Variants in CDK5RAP2 observed in about 807,000 individuals in gnomAD.
CDK5RAP2 encodes the protein CDK5 regulatory subunit-associated protein 2.
CDK5RAP2 carries 147 observed loss-of-function variants against 232.9 expected under a neutral mutation model. That is an observed-to-expected ratio of 0.63 (90% CI 0.55 to 0.72). CDK5RAP2 has a LOEUF of 0.72. CDK5RAP2 is among the 30% of genes least tolerant of loss of function. The pLI is 0.00. For synonymous variants in CDK5RAP2, 833 were observed against 833.7 expected (o/e 1.00, Z 0.01); for missense variants, 2,195 against 2,231.5 (o/e 0.98, Z 0.33).
In CDK5RAP2 at chr9:120,422,744, G is replaced by C. The variant is rs1302429352; in HGVS notation, c.3956-3C>G. On this transcript the variant is annotated splice_polypyrimidine_tract_variant and splice_region_variant and intron_variant, in intron 25 of 37. Transcript: ENST00000349780. ...CATTTCCACTCCAACTGATTTTCCTGGAAGCAGAAATAACATCAAGAAAGG... is the reference window on the plus strand; with the variant it reads ...CATTTCCACTCCAACTGATTTTCCTCGAAGCAGAAATAACATCAAGAAAGG... 1 of 1,610,842 alleles carries C rather than the reference G, an allele frequency of 6.2e-7. No homozygotes were observed. Among genetic ancestry groups the C allele is most frequent in the Non-Finnish European group, 8.5e-7 (1 of 1,177,256 alleles).
chr9:120,523,695 G>A (rs752317977), intron 11 of CDK5RAP2, among the ~76,000 whole-genome samples: 13 of 152,200 alleles, frequency 8.5e-5, no homozygotes, highest in Non-Finnish European at 1.5e-4. Context: ...AGCAACATCA[G>A]TGCAAGAGGT....
At chr9:120,411,520 C>T (rs1401197291) in intron 28 of CDK5RAP2, 46 bp from the exon 29 acceptor site, 1 of 1,004,514 alleles carries the variant, frequency 1.0e-6, no homozygotes, top group Admixed American at 1.7e-5. Flanking sequence ...GTCTCCAGAT[C>T]AGTATAGACA....
At chr9:120,564,179 A>T (rs1237981948) in intron 3 of CDK5RAP2, among the ~76,000 whole-genome samples, 1 of 152,160 alleles carries the variant, frequency 6.6e-6, no homozygotes, top group Non-Finnish European at 1.5e-5. Flanking sequence ...AAAAAAAAGA[A>T]ACACTCGGCG....
In CDK5RAP2 at chr9:120,528,837, A is replaced by G. The variant is rs777411502; in HGVS notation, c.826-40T>C. 7 of 1,389,030 alleles carry G rather than the reference A, an allele frequency of 5.0e-6. No homozygotes were observed. In the South Asian group the frequency reaches 6.9e-5, roughly 14 times the overall value. 86.0% of individuals were successfully genotyped at this position (1,389,030 alleles called of 1,614,324 possible). The stretch of plus-strand genomic sequence containing the variant: ...TAATTGGTGTGAAGAAGGGACGTGC[A>G]ATCCAACAGCTTCTCCAGAACAATT... On this transcript the variant is annotated intron_variant, in intron 8 of 37. Coordinates refer to ENST00000349780, the MANE Select transcript of CDK5RAP2 (RefSeq NM_018249.6).
In CDK5RAP2 at chr9:120,402,829, T is replaced by A; in HGVS notation, c.5284A>T (p.Thr1762Ser). 6.2e-7 allele frequency: 1 copy of A among 1,614,120 alleles called. No individual in the cohort carries two copies. Among genetic ancestry groups the A allele is most frequent in the Non-Finnish European group, 8.5e-7 (1 of 1,180,022 alleles). The change falls in exon 34 of 38, where the codon ACA becomes TCA. Residue 1762 changes from threonine to serine, a missense_variant. Physicochemically the swap from Thr to Ser is moderately conservative, Grantham distance 58. Coordinates refer to ENST00000349780, the MANE Select transcript of CDK5RAP2 (RefSeq NM_018249.6). Reference sequence around the variant, plus strand: ...ACCTTTGTTCCCAGCTCTTGACTTGTGGAGCTGGGAGCCTCTTGGGTTTGA... The same window carrying A: ...ACCTTTGTTCCCAGCTCTTGACTTGAGGAGCTGGGAGCCTCTTGGGTTTGA... ...DIQTQEAPSSTSQELGTKGPH... is the reference protein window; with the variant it reads ...DIQTQEAPSSSSQELGTKGPH...
chr9:120,506,591 A>G (rs1426981158), intron 12 of CDK5RAP2, among the ~76,000 whole-genome samples: 1 of 152,210 alleles, frequency 6.6e-6, no homozygotes, highest in East Asian at 1.9e-4. Flanking sequence ...TTTGTGATTC[A>G]TGAGAAGGGT....
intron 35 of CDK5RAP2, among the ~76,000 whole-genome samples, chr9:120,395,288 T>C (rs2032361669): frequency 6.6e-6 from 1 of 152,250 alleles, no homozygotes; most frequent in Non-Finnish European, 1.5e-5. Flanking sequence ...ATTCTCTCCA[T>C]GAGCTATGAT....
intron 15 of CDK5RAP2, 47 bp from the exon 16 acceptor site, chr9:120,471,925 C>T (rs2037731320): frequency 1.2e-6 from 2 of 1,612,328 alleles, no homozygotes; most frequent in Non-Finnish European, 1.7e-6. Context: ...CCTATTTGTA[C>T]TTTTAGATGC....
chr9:120,461,049 A>G (rs1189391609), intron 18 of CDK5RAP2, among the ~76,000 whole-genome samples: 1 of 152,258 alleles, frequency 6.6e-6, no homozygotes, highest in Non-Finnish European at 1.5e-5. Context: ...AGATTTTGGA[A>G]AATAGCTATT....
chr9:120,392,936 C>A (rs1208281598), intron 36 of CDK5RAP2, among the ~76,000 whole-genome samples: 3 of 152,328 alleles, frequency 2.0e-5, no homozygotes, highest in East Asian at 1.9e-4. Flanking sequence ...TGGACCCCGC[C>A]GGTCCCTGCT....
chr9:120,539,351 T>C (rs1366394925), intron 5 of CDK5RAP2, among the ~76,000 whole-genome samples, 187 bp from the exon 6 acceptor site: 1 of 152,242 alleles, frequency 6.6e-6, no homozygotes, highest in African/African-American at 2.4e-5. Context: ...TCATCCATAA[T>C]CTTGTCACTC....
Position 120,527,751 on chromosome 9 carries a change from G to C in CDK5RAP2, c.999+55C>G, listed in dbSNP as rs981782356. 2.5e-6 allele frequency: 4 copies of C among 1,600,334 alleles called. No homozygotes were observed. The African/African-American group carries it at 5.4e-5, about 21-fold the overall frequency. On this transcript the variant is annotated intron_variant, in intron 10 of 37. Transcript: ENST00000349780. ...GAAGCTAAAAATTCAGGGTAGGACA[G>C]GCCAGTCATAGAAGCTAATAAAGAA...
At chr9:120,516,479 C>T (rs937167863) in intron 12 of CDK5RAP2, among the ~76,000 whole-genome samples, 2 of 151,798 alleles carry the variant, frequency 1.3e-5, no homozygotes, top group African/African-American at 2.4e-5. Flanking sequence ...AACAAACCTG[C>T]ACATTGTGCA....
chr9:120,417,126 C>T (rs905573357), intron 27 of CDK5RAP2, among the ~76,000 whole-genome samples: 10 of 151,056 alleles, frequency 6.6e-5, no homozygotes, highest in Non-Finnish European at 1.5e-4. Context: ...TGCACCTCCC[C>T]GCTCCTTAAA....
At chr9:120,488,529 A>G (rs1452675812) in intron 13 of CDK5RAP2, among the ~76,000 whole-genome samples, 1 of 151,608 alleles carries the variant, frequency 6.6e-6, no homozygotes, top group Admixed American at 6.6e-5. Flanking sequence ...ACAACTTGCA[A>G]CTCTTTAGCT....
At chr9:120,573,210 A>C (rs1252456913) in intron 1 of CDK5RAP2, among the ~76,000 whole-genome samples, 1 of 152,220 alleles carries the variant, frequency 6.6e-6, no homozygotes, top group East Asian at 1.9e-4. Flanking sequence ...CAGGCAAAAA[A>C]TTGGAAATAT....
chr9:120,563,612 G>A (rs2042539654), intron 3 of CDK5RAP2, among the ~76,000 whole-genome samples: 1 of 152,152 alleles, frequency 6.6e-6, no homozygotes, highest in African/African-American at 2.4e-5. Context: ...TTACACATGA[G>A]GTTTTAGAAG....
At position 120,527,815 on chromosome 9, in the gene CDK5RAP2, C is replaced by G; in HGVS notation, c.990G>C (p.Lys330Asn). 1 of 1,612,632 alleles carries G rather than the reference C, an allele frequency of 6.2e-7. No homozygotes were observed. The highest frequency in any genetic ancestry group is 1.1e-5 in the South Asian group (1 of 90,976). Reference sequence around the variant, plus strand: ...AGTGTATCAGACATACCTTTTTTTCCTTTGATTTTAATGCCATGGTTAAAC... The same window carrying G: ...AGTGTATCAGACATACCTTTTTTTCGTTTGATTTTAATGCCATGGTTAAAC... The part of the protein sequence containing the change: ...IQGLTMALKS[K>N]EKKVEELNSE... The change falls in exon 10 of 38, where the codon AAG (lysine) becomes AAC (asparagine). Residue 330 changes from lysine to asparagine, a missense_variant. Transcript: ENST00000349780.
rs114583594 is a variant in CDK5RAP2, at chr9:120,486,380, T to C, written c.1626+914A>G. 6.1e-3 allele frequency among the ~76,000 whole-genome samples: 919 copies of C among 150,272 alleles called. 8 individuals are homozygous for C. Among genetic ancestry groups the C allele is most frequent in the African/African-American group, 0.021 (870 of 40,742 alleles). On this transcript the variant is annotated intron_variant, in intron 14 of 37. Transcript: ENST00000349780. ...AAGAGTTCTCTATCTTCCAAATGTA[T>C]GAACTTAATTTAAGCCAGGTTTTTC... is the stretch of plus-strand genomic sequence containing the variant.
Sources: gnomAD v4.1 joint callset for allele counts (sites outside exome capture counted in the v4.1 genomes callset) on GRCh38, gnomAD v4.1.1 for gene constraint, MANE v1.5 for transcripts, NCBI Gene and HGNC (gene_info 2026-07-23, HGNC 2026-07-21) for gene names.